PARM1: variants seen among roughly 807,000 people sequenced by gnomAD.
PARM1 encodes the protein prostate androgen-regulated mucin-like protein 1.
Under a neutral mutation model 24.6 loss-of-function variants are expected in PARM1, and 14 were observed. The observed-to-expected ratio is 0.57, with a 90% CI of 0.38 to 0.89. The LOEUF is 0.89. PARM1 is among the 40% of genes least tolerant of loss of function. The pLI, the probability that PARM1 is intolerant of heterozygous loss-of-function variation, is 0.00. For synonymous variants in PARM1, 179 were observed against 156.6 expected (o/e 1.14, Z -1.07); for missense variants, 362 against 380.4 (o/e 0.95, Z 0.40).
chr4:74,949,031 CA>C (rs1283847600), intron 1 of PARM1, among the ~76,000 whole-genome samples: 3 of 151,492 alleles, frequency 2.0e-5, no homozygotes, highest in African/African-American at 7.3e-5. Context: ...CAAAAAAAAA[CA>C]AAAAACAAAA....
At chr4:75,041,541 A>G (rs1723484164) in intron 3 of PARM1, among the ~76,000 whole-genome samples, 1 of 152,208 alleles carries the variant, frequency 6.6e-6, no homozygotes, top group Non-Finnish European at 1.5e-5. Flanking sequence ...GACCCTTGTA[A>G]AGGACAAGGT....
In PARM1 at chr4:74,982,514, T is replaced by A. The variant is rs187219163; in HGVS notation, c.44-29911T>A. Among the ~76,000 whole-genome samples, 662 of 152,312 alleles carry A rather than the reference T, an allele frequency of 4.3e-3. 12 individuals are homozygous for A. The highest frequency in any genetic ancestry group is 3.4e-3 in the Non-Finnish European group (234 of 68,030). ...ATAAACACATTCACATAACTTTTTTTAAAAAGAAAATTCAAGCAACAAACT... is the reference window on the plus strand; with the variant it reads ...ATAAACACATTCACATAACTTTTTTAAAAAAGAAAATTCAAGCAACAAACT... On this transcript the variant is annotated intron_variant, in intron 1 of 3. Coordinates refer to ENST00000307428, the MANE Select transcript of PARM1 (RefSeq NM_015393.4).
At chr4:74,935,926 C>T (rs1171365655) in intron 1 of PARM1, among the ~76,000 whole-genome samples, 1 of 152,132 alleles carries the variant, frequency 6.6e-6, no homozygotes, top group African/African-American at 2.4e-5. Context: ...ACTGCAACCT[C>T]GGCCTCCCCA....
At chr4:75,029,877 A>G (rs1055224388) in intron 2 of PARM1, among the ~76,000 whole-genome samples, 7 of 128,690 alleles carry the variant, frequency 5.4e-5, no homozygotes, top group Non-Finnish European at 1.0e-4. Flanking sequence ...TGATTAGGCT[A>G]AAAAAAAAAA....
chr4:74,950,412 T>C (rs904399202), intron 1 of PARM1, among the ~76,000 whole-genome samples: 1 of 152,182 alleles, frequency 6.6e-6, no homozygotes, highest in Non-Finnish European at 1.5e-5. Flanking sequence ...CTGTCTCACA[T>C]GGCCCCCTTT....
chr4:75,012,652 A>T lies in PARM1; in HGVS notation c.271A>T (p.Thr91Ser), dbSNP rs1232908471. The change falls in exon 2 of 4, where the codon ACC becomes TCC. Residue 91 changes from threonine (T) to serine (S), a missense_variant. Thr to Ser is a moderately conservative substitution (Grantham distance 58). Transcript: ENST00000307428. The part of the protein sequence containing the change: ...ISIESREEEI[T>S]SPGSNWEGTN... ...CATAGAGTCCAGAGAAGAGGAGATC[A>T]CCAGCCCAGGTTCGAATTGGGAAGG... 6.2e-7 allele frequency: 1 copy of T among 1,613,856 alleles called. No individual in the cohort carries two copies. Among genetic ancestry groups the T allele is most frequent in the Non-Finnish European group, 8.5e-7 (1 of 1,179,884 alleles).
At chr4:74,938,432 CTT>C (rs1721236882) in intron 1 of PARM1, among the ~76,000 whole-genome samples, 1 of 152,150 alleles carries the variant, frequency 6.6e-6, no homozygotes, top group South Asian at 2.1e-4. Flanking sequence ...ATAAATCAAA[CTT>C]ATTTGTCTTG....
chr4:74,987,702 C>T (rs1368523410), intron 1 of PARM1, among the ~76,000 whole-genome samples: 1 of 152,176 alleles, frequency 6.6e-6, no homozygotes, highest in Non-Finnish European at 1.5e-5. Context: ...CTAAACTCAA[C>T]AGATCCTGTG....
At chr4:74,967,365 A>G (rs1465876796) in intron 1 of PARM1, 1 of 152,232 alleles carries the variant, frequency 6.6e-6, no homozygotes, top group Non-Finnish European at 1.5e-5. Flanking sequence ...AATTTCAAAC[A>G]GAACCAGTTT....
intron 1 of PARM1, among the ~76,000 whole-genome samples, chr4:74,978,498 C>T (rs932575544): frequency 6.6e-6 from 1 of 152,112 alleles, no homozygotes. Flanking sequence ...TTTATACTCC[C>T]ACACATAATA....
intron 1 of PARM1, among the ~76,000 whole-genome samples, chr4:74,942,508 A>T (rs565389403): frequency 6.6e-6 from 1 of 152,370 alleles, no homozygotes; most frequent in African/African-American, 2.4e-5. Context: ...TAGGGGGCTT[A>T]TCTAAAGCCT....
intron 1 of PARM1, among the ~76,000 whole-genome samples, chr4:74,995,365 A>C (rs954611083): frequency 1.3e-5 from 2 of 152,184 alleles, no homozygotes; most frequent in Admixed American, 6.6e-5. Context: ...TGACGGTACA[A>C]TCCTGAACAC....
chr4:74,954,018 G>A (rs1353791878), intron 1 of PARM1, among the ~76,000 whole-genome samples: 1 of 152,192 alleles, frequency 6.6e-6, no homozygotes. Flanking sequence ...TACAGCTTAA[G>A]ACATTACACG....
At position 75,012,953 on chromosome 4, in the gene PARM1, C is replaced by A. The variant is rs1722907433; in HGVS notation, c.572C>A (p.Thr191Asn). ...VTSTQPTGAP[T>N]APESPTEESS... is the part of the protein sequence containing the mutation. The stretch of plus-strand genomic sequence containing the variant: ...AGCACCCAACCCACTGGAGCTCCAA[C>A]TGCACCAGAGTCCCCGACAGAGGAG... The change falls in exon 2 of 4, where the codon ACT becomes AAT. Residue 191 changes from threonine (T) to asparagine (N), a missense_variant. Coordinates refer to ENST00000307428, the MANE Select transcript of PARM1 (RefSeq NM_015393.4). 6.2e-7 allele frequency: 1 copy of A among 1,613,976 alleles called. No homozygotes were observed. Among genetic ancestry groups the A allele is most frequent in the Non-Finnish European group, 8.5e-7 (1 of 1,179,872 alleles).
intron 1 of PARM1, among the ~76,000 whole-genome samples, chr4:74,961,134 G>C (rs1721765732): frequency 6.6e-6 from 1 of 152,114 alleles, no homozygotes; most frequent in Admixed American, 6.6e-5. Context: ...GGCAATTCTG[G>C]AGCTGTGAAG....
chr4:74,982,475 GAAAAT>G (rs988078078), intron 1 of PARM1, among the ~76,000 whole-genome samples: 1 of 150,952 alleles, frequency 6.6e-6, no homozygotes, highest in African/African-American at 2.5e-5. Context: ...TTAAAATTAA[GAAAAT>G]AAAAAATAAT....
At chr4:75,027,288 C>T (rs1173128968) in intron 2 of PARM1, among the ~76,000 whole-genome samples, 1 of 152,110 alleles carries the variant, frequency 6.6e-6, no homozygotes, top group Non-Finnish European at 1.5e-5. Context: ...GGTCTCTACA[C>T]ACCACACTGT....
At chr4:74,937,640 A>G (rs1721220776) in intron 1 of PARM1, among the ~76,000 whole-genome samples, 1 of 152,238 alleles carries the variant, frequency 6.6e-6, no homozygotes, top group Non-Finnish European at 1.5e-5. Flanking sequence ...CTGGAGACAT[A>G]GCAAATGCTC....
At position 75,035,860 on chromosome 4, in the gene PARM1, T is replaced by A. The variant is rs575105899; in HGVS notation, c.848+1899T>A. On this transcript the variant is annotated intron_variant, in intron 3 of 3. Coordinates refer to ENST00000307428, the MANE Select transcript of PARM1 (RefSeq NM_015393.4). ...AAGTTTCCCCCAGATTTAAAAAAAA[T>A]ATTTCTCTTCATTAAGTCTGCATGT... Among the ~76,000 whole-genome samples, 132 of 152,354 alleles carry A rather than the reference T, an allele frequency of 8.7e-4. 1 individual carries two copies. Among genetic ancestry groups the A allele is most frequent in the Non-Finnish European group, 1.8e-3 (123 of 68,036 alleles).
Sources: allele counts gnomAD v4.1 joint callset (sites outside exome capture counted in the v4.1 genomes callset), GRCh38; gene constraint gnomAD v4.1.1; transcripts MANE v1.5; gene names NCBI Gene and HGNC (gene_info 2026-07-23, HGNC 2026-07-21).